Variants in SGCZ observed in about 807,000 individuals in gnomAD.
The protein encoded by SGCZ is zeta-sarcoglycan.
In SGCZ, 40 loss-of-function variants were observed where a neutral mutation model predicts 41.3. The observed-to-expected ratio is 0.97, with a 90% CI of 0.75 to 1.26. The LOEUF is 1.26. Among genes scored for constraint, SGCZ ranks in the 50% most tolerant of loss-of-function variants. The pLI is 0.00. For synonymous variants in SGCZ, 206 were observed against 137.5 expected (o/e 1.50, Z -3.49); for missense variants, 552 against 369.8 (o/e 1.49, Z -4.04).
intron 1 of SGCZ, among the ~76,000 whole-genome samples, chr8:15,182,129 C>A (rs1457224): frequency 0.42 from 63,387 of 151,922 alleles, 14,517 homozygotes; most frequent in Non-Finnish European, 0.5. Context: ...TAGCAAAATA[C>A]ATTTTTCATC....
chr8:14,448,637 C>G (rs1478768263), intron 2 of SGCZ, among the ~76,000 whole-genome samples: 1 of 152,126 alleles, frequency 6.6e-6, no homozygotes, highest in African/African-American at 2.4e-5. Context: ...ACAATCATAA[C>G]CAAAGAACAA....
intron 2 of SGCZ, among the ~76,000 whole-genome samples, chr8:14,401,675 T>C (rs1799080713): frequency 1.3e-5 from 2 of 151,986 alleles, no homozygotes; most frequent in East Asian, 1.9e-4. Context: ...ATTTTCTTGA[T>C]CCAGTCTATC....
At chr8:14,419,205 G>T (rs987689940) in intron 2 of SGCZ, among the ~76,000 whole-genome samples, 2 of 151,794 alleles carry the variant, frequency 1.3e-5, no homozygotes, top group African/African-American at 4.8e-5. Flanking sequence ...GAAGCTAAAA[G>T]AAAACTGAAA....
At chr8:14,167,280 A>C (rs967631974) in intron 4 of SGCZ, among the ~76,000 whole-genome samples, 1 of 152,158 alleles carries the variant, frequency 6.6e-6, no homozygotes, top group Non-Finnish European at 1.5e-5. Context: ...AAGATAGGTC[A>C]AGGCAGGATT....
chr8:14,790,175 G>C (rs767324652), intron 1 of SGCZ, among the ~76,000 whole-genome samples: 25 of 152,160 alleles, frequency 1.6e-4, no homozygotes, highest in Non-Finnish European at 2.2e-4. Flanking sequence ...CTGAGGGCCA[G>C]TGCTTTCAAA....
At chr8:14,754,107 C>A (rs1412885699) in intron 1 of SGCZ, among the ~76,000 whole-genome samples, 2 of 152,106 alleles carry the variant, frequency 1.3e-5, no homozygotes, top group Non-Finnish European at 2.9e-5. Context: ...AAAGTCCAGA[C>A]AAATTTGACT....
chr8:14,694,801 AAAAGTT>A (rs1489941313), intron 1 of SGCZ, among the ~76,000 whole-genome samples: 1 of 152,212 alleles, frequency 6.6e-6, no homozygotes, highest in African/African-American at 2.4e-5. Context: ...GTCTCACTTA[AAAAGTT>A]TGCTGGGTTA....
chr8:14,875,298 G>A (rs564685611), intron 1 of SGCZ, among the ~76,000 whole-genome samples: 9 of 152,234 alleles, frequency 5.9e-5, no homozygotes, highest in South Asian at 4.1e-4. Context: ...TTGTAAGAGC[G>A]CTAACCCATT....
chr8:14,110,213 CAAAG>C (rs1802330867), intron 5 of SGCZ, among the ~76,000 whole-genome samples: 1 of 151,918 alleles, frequency 6.6e-6, no homozygotes, highest in South Asian at 2.1e-4. Context: ...TTGTATATCT[CAAAG>C]AGAGACTCTG....
intron 3 of SGCZ, among the ~76,000 whole-genome samples, chr8:14,286,701 C>T (rs1800645502): frequency 2.0e-5 from 3 of 152,080 alleles, no homozygotes; most frequent in African/African-American, 7.2e-5. Flanking sequence ...CAAAGTTTGA[C>T]TTTTAGAATT....
intron 5 of SGCZ, among the ~76,000 whole-genome samples, chr8:14,108,980 T>G (rs546113522): frequency 5.3e-4 from 80 of 152,266 alleles, no homozygotes; most frequent in African/African-American, 1.9e-3. Context: ...AATGAAAATG[T>G]GGAGGTGAGT....
At chr8:14,379,861 A>T (rs2117186943) in intron 2 of SGCZ, among the ~76,000 whole-genome samples, 1 of 152,152 alleles carries the variant, frequency 6.6e-6, no homozygotes, top group South Asian at 2.1e-4. Context: ...CCTCCAGAGT[A>T]GCTGGGATTA....
chr8:14,129,765 G>T (rs1447061449), intron 5 of SGCZ, among the ~76,000 whole-genome samples: 1 of 144,310 alleles, frequency 6.9e-6, no homozygotes, highest in Non-Finnish European at 1.5e-5. Context: ...ATAATAGTTA[G>T]GAATAAATTT....
chr8:14,594,248 G>A (rs1225705487), intron 1 of SGCZ, among the ~76,000 whole-genome samples: 1 of 150,530 alleles, frequency 6.6e-6, no homozygotes, highest in Non-Finnish European at 1.5e-5. Flanking sequence ...AATACAAATG[G>A]CTGAACCCCG....
chr8:14,979,170 A>G (rs761104649), intron 1 of SGCZ, among the ~76,000 whole-genome samples: 14 of 152,194 alleles, frequency 9.2e-5, no homozygotes, highest in Non-Finnish European at 1.9e-4. Flanking sequence ...TTATGAATAC[A>G]CTAAAAGGCA....
intron 7 of SGCZ, among the ~76,000 whole-genome samples, chr8:14,090,953 A>C (rs1361458789): frequency 1.3e-5 from 2 of 151,934 alleles, no homozygotes; most frequent in Non-Finnish European, 2.9e-5. Flanking sequence ...ACAGTCTCTC[A>C]ATTTAATTTC....
In SGCZ at chr8:14,204,165, G is replaced by C. The variant is rs1411309496; in HGVS notation, c.424+33427C>G. ...GGACCTTTGCCCCAGCAACAGTGTG[G>C]TTTGGGAAAATGGGGCATAAAACGA... On this transcript the variant is annotated intron_variant, in intron 4 of 7. Transcript: ENST00000382080. Among the ~76,000 whole-genome samples, 2 of 152,022 alleles carry C rather than the reference G, an allele frequency of 1.3e-5. 1 individual carries two copies. Among genetic ancestry groups the C allele is most frequent in the Non-Finnish European group, 2.9e-5 (2 of 68,004 alleles).
At chr8:15,199,921 A>T (rs1398835203) in intron 1 of SGCZ, among the ~76,000 whole-genome samples, 2 of 152,228 alleles carry the variant, frequency 1.3e-5, no homozygotes, top group Non-Finnish European at 2.9e-5. Context: ...CATCATGAAA[A>T]TGTAAGGGCC....
At chr8:14,909,832 C>T (rs11997438) in intron 1 of SGCZ, among the ~76,000 whole-genome samples, 54,560 of 151,960 alleles carry the variant, frequency 0.36, 13,624 homozygotes, top group African/African-American at 0.71. Context: ...TTCTGTCATC[C>T]AGAAACCAAC....
Sources: allele counts gnomAD v4.1 joint callset (sites outside exome capture counted in the v4.1 genomes callset), GRCh38; gene constraint gnomAD v4.1.1; transcripts MANE v1.5; gene names NCBI Gene and HGNC (gene_info 2026-07-23, HGNC 2026-07-21).